Variants in LARS2 observed in about 807,000 individuals in gnomAD.
LARS2 encodes the protein leucyl-tRNA synthetase 2, mitochondrial.
A neutral mutation model predicts 116.6 loss-of-function variants in LARS2; 81 were observed. The observed-to-expected ratio is 0.69, with a 90% confidence interval of 0.58 to 0.84. The LOEUF is 0.84. Ranked by LOEUF, LARS2 falls within the 40% of genes least tolerant of loss-of-function variation. The pLI, the probability that LARS2 is intolerant of heterozygous loss-of-function variation, is 0.00. For missense variants in LARS2, 968 were observed against 1,114.5 expected, an observed-to-expected ratio of 0.87 and a Z score of 1.87; for synonymous variants, 396 against 407.2, an observed-to-expected ratio of 0.97 and a Z score of 0.33.
chr3:45,436,799 C>CAAAAAA (rs61468802), intron 6 of LARS2, among the ~76,000 whole-genome samples: 7 of 121,518 alleles, frequency 5.8e-5, no homozygotes, highest in Admixed American at 8.5e-5. Context: ...AGACTCGTCT[C>CAAAAAA]AAAAAAAAAA....
At chr3:45,497,906 C>CA (rs891566830) in intron 14 of LARS2, among the ~76,000 whole-genome samples, 2,088 of 123,488 alleles carry the variant, frequency 0.017, 30 homozygotes, top group African/African-American at 0.057. Context: ...GACTTCCTCT[C>CA]AAAAAAAAAA....
intron 10 of LARS2, among the ~76,000 whole-genome samples, chr3:45,484,242 T>C (rs927905085): frequency 1.3e-5 from 2 of 152,012 alleles, no homozygotes; most frequent in African/African-American, 4.8e-5. Flanking sequence ...TTACATGAAA[T>C]CTTAAAACAT....
intron 20 of LARS2, among the ~76,000 whole-genome samples, chr3:45,540,780 CTA>C (rs1700782546): frequency 6.6e-6 from 1 of 151,888 alleles, no homozygotes; most frequent in Non-Finnish European, 1.5e-5. Flanking sequence ...ATCTATCTAT[CTA>C]TCTATCTATC....
chr3:45,515,939 T>C (rs1054750667), intron 16 of LARS2, among the ~76,000 whole-genome samples, 155 bp from the exon 17 acceptor site: 1 of 152,260 alleles, frequency 6.6e-6, no homozygotes, highest in East Asian at 1.9e-4. Context: ...TTTATAACAA[T>C]ACAGAGGGAG....
chr3:45,443,759 G>C (rs1233537203), intron 6 of LARS2, among the ~76,000 whole-genome samples: 1 of 152,148 alleles, frequency 6.6e-6, no homozygotes, highest in Non-Finnish European at 1.5e-5. Context: ...TTTTCAAGCT[G>C]TACTCTTTTA....
chr3:45,423,863 C>T (rs1227718746), intron 6 of LARS2, among the ~76,000 whole-genome samples: 1 of 152,128 alleles, frequency 6.6e-6, no homozygotes, highest in Non-Finnish European at 1.5e-5. Flanking sequence ...CAAACAGCAA[C>T]TTACTGGGAT....
intron 4 of LARS2, among the ~76,000 whole-genome samples, chr3:45,400,699 A>G (rs1365357072): frequency 1.3e-5 from 2 of 152,238 alleles, no homozygotes; most frequent in East Asian, 1.9e-4. Context: ...ATCATTGTAT[A>G]TAACGAACTG....
intron 14 of LARS2, among the ~76,000 whole-genome samples, chr3:45,499,717 C>T (rs1402435897): frequency 2.0e-5 from 3 of 152,104 alleles, no homozygotes; most frequent in African/African-American, 4.8e-5. Context: ...TACCACATTG[C>T]CCTCTATTGG....
At chr3:45,446,758 G>T in intron 6 of LARS2, 133 bp from the exon 7 acceptor site, 1 of 583,200 alleles carries the variant, frequency 1.7e-6, no homozygotes. Flanking sequence ...TTTACAAACT[G>T]GTGAAAATAT....
chr3:45,409,616 G>T (rs1698294344), intron 4 of LARS2, among the ~76,000 whole-genome samples: 1 of 152,166 alleles, frequency 6.6e-6, no homozygotes, highest in East Asian at 1.9e-4. Context: ...CCCCTTGACA[G>T]TGGTGAATCA....
At chr3:45,443,023 G>A (rs1698939783) in intron 6 of LARS2, among the ~76,000 whole-genome samples, 1 of 152,166 alleles carries the variant, frequency 6.6e-6, no homozygotes, top group African/African-American at 2.4e-5. Flanking sequence ...TCCACTAGAT[G>A]CCAGTAGCAC....
chr3:45,491,430 CAT>C (rs1699912189), intron 12 of LARS2, 85 bp from the exon 13 acceptor site: 2 of 1,433,354 alleles, frequency 1.4e-6, no homozygotes, highest in Admixed American at 3.5e-5. Context: ...GAGAGCCACA[CAT>C]AAACATGGCA....
At chr3:45,411,179 T>TA (rs1698324301) in intron 4 of LARS2, among the ~76,000 whole-genome samples, 2 of 152,198 alleles carry the variant, frequency 1.3e-5, no homozygotes, top group South Asian at 4.1e-4. Flanking sequence ...CTGCGCCACT[T>TA]ACAGACTCCA....
At chr3:45,465,434 C>T (rs1434999967) in intron 8 of LARS2, among the ~76,000 whole-genome samples, 1 of 152,168 alleles carries the variant, frequency 6.6e-6, no homozygotes, top group Non-Finnish European at 1.5e-5. Context: ...CCTCAGAAGT[C>T]CTTCTAGGGA....
intron 4 of LARS2, among the ~76,000 whole-genome samples, chr3:45,406,138 A>G (rs534730904): frequency 1.2e-4 from 18 of 152,346 alleles, no homozygotes; most frequent in African/African-American, 3.8e-4. Flanking sequence ...CAGGGAGACT[A>G]GCAGACCTCT....
intron 6 of LARS2, among the ~76,000 whole-genome samples, chr3:45,430,697 G>T (rs1698695084): frequency 6.9e-6 from 1 of 145,754 alleles, no homozygotes; most frequent in African/African-American, 2.6e-5. Flanking sequence ...TCATTCTCCT[G>T]CCTCAGCCTC....
chr3:45,479,552 G>C (rs530652480), intron 10 of LARS2, among the ~76,000 whole-genome samples: 2 of 152,284 alleles, frequency 1.3e-5, no homozygotes, highest in African/African-American at 2.4e-5. Context: ...TAAATGTACT[G>C]TTTTGTGCTT....
rs1698013933 is a variant in LARS2 at position 45,394,665 on chromosome 3, C to A, written c.212C>A (p.Ala71Asp). 6.2e-7 allele frequency: 1 copy of A among 1,613,182 alleles called. No homozygotes were observed. The highest frequency in any genetic ancestry group is 8.5e-7 in the Non-Finnish European group (1 of 1,179,204). Residue 71 changes from alanine to aspartate, a missense_variant, in exon 3 of 22, where the codon GCC becomes GAC. Transcript: ENST00000645846. ...TGGCATCAACGAATAAAAGAACAGG[C>A]CTCCAAAATTTCAGAAGCTGATGTG... ...KWWHQRIKEQ[A>D]SKISEADKSK...
chr3:45,504,468 T>C (rs1559490880), intron 15 of LARS2, among the ~76,000 whole-genome samples: 1 of 152,008 alleles, frequency 6.6e-6, no homozygotes, highest in Admixed American at 6.6e-5. Flanking sequence ...GGGTCTAAAT[T>C]AAATGCTTAA....
Sources: allele counts gnomAD v4.1 joint callset (sites outside exome capture counted in the v4.1 genomes callset), GRCh38; gene constraint gnomAD v4.1.1; transcripts MANE v1.5; gene names NCBI Gene and HGNC (gene_info 2026-07-23, HGNC 2026-07-21).